Variants in EXOC6 observed in about 807,000 individuals in gnomAD.
EXOC6 encodes exocyst complex component 6, also known as SEC15-like 1.
EXOC6 carries 60 observed loss-of-function variants against 112.5 expected under a neutral mutation model. The ratio of observed to expected loss-of-function variants is 0.53; its 90% CI spans 0.43 to 0.66. EXOC6 has a LOEUF of 0.66. EXOC6 is among the 30% of genes least tolerant of loss of function. The pLI is 0.00. For missense variants in EXOC6, 855 were observed against 957.1 expected (o/e 0.89, Z 1.41); for synonymous variants, 295 against 308.0 (o/e 0.96, Z 0.44).
intron 1 of EXOC6, among the ~76,000 whole-genome samples, chr10:92,827,552 A>G (rs550608722): frequency 6.8e-6 from 1 of 147,158 alleles, no homozygotes; most frequent in African/African-American, 2.5e-5. Context: ...ATACCTGTGT[A>G]CACCCTGGGC....
chr10:92,916,006 C>A, intron 7 of EXOC6, 93 bp downstream of exon 7: 1 of 923,294 alleles, frequency 1.1e-6, no homozygotes, highest in African/African-American at 1.8e-5. Context: ...TTCCTGTATG[C>A]AAAATAAATT....
chr10:92,971,833 A>G (rs1842312689), intron 17 of EXOC6, among the ~76,000 whole-genome samples: 1 of 151,882 alleles, frequency 6.6e-6, no homozygotes, highest in Admixed American at 6.6e-5. Context: ...TTTTCCGTGT[A>G]TTGGTCATAC....
intron 8 of EXOC6, among the ~76,000 whole-genome samples, chr10:92,926,130 A>G (rs1303452575): frequency 2.0e-5 from 3 of 151,930 alleles, no homozygotes; most frequent in Non-Finnish European, 4.4e-5. Context: ...TGGGGGAAAA[A>G]AAAGTCTCAC....
intron 6 of EXOC6, among the ~76,000 whole-genome samples, 171 bp from the exon 7 acceptor site, chr10:92,915,587 T>TTTA (rs1457354741): frequency 7.1e-6 from 1 of 140,370 alleles, no homozygotes; most frequent in Non-Finnish European, 1.5e-5. Flanking sequence ...TTTTTTTTTT[T>TTTA]AAAAAAAGGA....
At chr10:92,874,291 TATC>T (rs1463885503) in intron 1 of EXOC6, among the ~76,000 whole-genome samples, 15 of 152,042 alleles carry the variant, frequency 9.9e-5, no homozygotes, top group East Asian at 7.7e-4. Context: ...TTATATGGCA[TATC>T]ATCATCATCA....
chr10:92,909,415 A>T lies in EXOC6; in HGVS notation c.459-12A>T, dbSNP rs901365983. 1 of 1,561,284 alleles carries T rather than the reference A, an allele frequency of 6.4e-7. No individual in the cohort carries two copies. Among genetic ancestry groups the T allele is most frequent in the Admixed American group, 2.1e-5 (1 of 47,924 alleles). The stretch of plus-strand genomic sequence containing the variant: ...AACTTTTTATAGAGTTTTCTTTTTT[A>T]ACTTCTCACAGGTACTATTCTGCCC... On this transcript the variant is annotated splice_polypyrimidine_tract_variant and intron_variant, in intron 5 of 21. Coordinates refer to ENST00000260762, the MANE Select transcript of EXOC6 (RefSeq NM_019053.6).
At chr10:92,921,929 A>T (rs748509827) in intron 8 of EXOC6, among the ~76,000 whole-genome samples, 11 of 151,992 alleles carry the variant, frequency 7.2e-5, no homozygotes, top group Non-Finnish European at 1.5e-4. Context: ...ATAACCAAAA[A>T]TTATTTGGTA....
chr10:92,995,264 A>G (rs1843437022), intron 18 of EXOC6, among the ~76,000 whole-genome samples: 1 of 152,134 alleles, frequency 6.6e-6, no homozygotes. Flanking sequence ...GGTTTCTGGA[A>G]TAGCCTGTGT....
chr10:92,980,434 TCTTCC>T (rs1220496213), intron 18 of EXOC6, among the ~76,000 whole-genome samples: 26 of 147,294 alleles, frequency 1.8e-4, no homozygotes, highest in African/African-American at 4.6e-4. Context: ...TATTCTCCTT[TCTTCC>T]CTTGTTACAG....
chr10:92,921,418 G>A (rs531041479), intron 8 of EXOC6, among the ~76,000 whole-genome samples: 1 of 151,102 alleles, frequency 6.6e-6, no homozygotes, highest in African/African-American at 2.4e-5. Context: ...CTAATTTTTT[G>A]TATTTTTTTA....
At chr10:93,046,430 A>G (rs1280680184) in intron 20 of EXOC6, among the ~76,000 whole-genome samples, 1 of 152,164 alleles carries the variant, frequency 6.6e-6, no homozygotes, top group East Asian at 1.9e-4. Context: ...GACACAAAAA[A>G]GAGTGACAGC....
intron 1 of EXOC6, among the ~76,000 whole-genome samples, chr10:92,873,779 G>T (rs572448873): frequency 3.3e-5 from 5 of 152,072 alleles, no homozygotes; most frequent in Non-Finnish European, 5.9e-5. Context: ...GGCCAGGCAC[G>T]GTGGCTCATG....
intron 1 of EXOC6, among the ~76,000 whole-genome samples, chr10:92,890,135 T>G (rs1489226256): frequency 6.6e-6 from 1 of 152,212 alleles, no homozygotes; most frequent in Non-Finnish European, 1.5e-5. Context: ...AGTTCCTTGA[T>G]TTTTTTAAAA....
intron 2 of EXOC6, among the ~76,000 whole-genome samples, chr10:92,894,438 TACAG>T (rs990934317): frequency 7.2e-5 from 11 of 152,178 alleles, no homozygotes; most frequent in Non-Finnish European, 8.8e-5. Flanking sequence ...CACCATTTCC[TACAG>T]ACAATGAATG....
At chr10:92,840,110 A>G (rs1220324002) in intron 1 of EXOC6, among the ~76,000 whole-genome samples, 1 of 140,620 alleles carries the variant, frequency 7.1e-6, no homozygotes, top group African/African-American at 2.7e-5. Context: ...GCTTTTAGGA[A>G]AGGAAAGAAA....
At chr10:92,915,558 G>GACCTTGTCTCA (rs1269625302) in intron 6 of EXOC6, among the ~76,000 whole-genome samples, 200 bp from the exon 7 acceptor site, 1 of 134,936 alleles carries the variant, frequency 7.4e-6, no homozygotes, top group Admixed American at 7.8e-5. Context: ...GACAGAGTGA[G>GACCTTGTCTCA]ACCCTGATTT....
At chr10:92,855,951 G>A (rs1008217022) in intron 1 of EXOC6, among the ~76,000 whole-genome samples, 20 of 151,938 alleles carry the variant, frequency 1.3e-4, no homozygotes, top group Non-Finnish European at 2.6e-4. Context: ...TGCAACCTCC[G>A]CCTCCTGGGT....
chr10:92,997,157 C>A (rs1843530966), intron 18 of EXOC6, among the ~76,000 whole-genome samples: 1 of 152,056 alleles, frequency 6.6e-6, no homozygotes, highest in Non-Finnish European at 1.5e-5. Flanking sequence ...TTTTAATATG[C>A]ATTTCTAAAG....
chr10:92,919,939 A>G, intron 7 of EXOC6, 43 bp from the exon 8 acceptor site: 1 of 1,244,190 alleles, frequency 8.0e-7, no homozygotes, highest in Non-Finnish European at 1.1e-6. Context: ...TGGTGGTCTA[A>G]TAGTTTGACC....
Sources: allele counts gnomAD v4.1 joint callset (sites outside exome capture counted in the v4.1 genomes callset), GRCh38; gene constraint gnomAD v4.1.1; transcripts MANE v1.5; gene names NCBI Gene and HGNC (gene_info 2026-07-23, HGNC 2026-07-21).